BBS2: variants seen among roughly 807,000 people sequenced by gnomAD.
BBS2 encodes the protein BBSome complex member BBS2.
Under a neutral mutation model 83.0 loss-of-function variants are expected in BBS2, and 62 were observed. The ratio of observed to expected loss-of-function variants is 0.75; its 90% CI spans 0.61 to 0.92. BBS2 has a LOEUF of 0.92. Ranked by LOEUF, BBS2 falls within the 40% of genes least tolerant of loss-of-function variation. BBS2 has a pLI of 0.00. For missense variants in BBS2, 784 were observed against 901.0 expected, an observed-to-expected ratio of 0.87 and a Z score of 1.66; for synonymous variants, 303 against 326.1, an observed-to-expected ratio of 0.93 and a Z score of 0.76.
At chr16:56,470,958 G>A (rs1419595664) in intron 17 of BBS2, among the ~76,000 whole-genome samples, 3 of 152,132 alleles carry the variant, frequency 2.0e-5, no homozygotes, top group African/African-American at 7.2e-5. Context: ...TTACATTCTA[G>A]TAGAAGAAGA....
At position 56,502,790 on chromosome 16, in the gene BBS2, G is replaced by C; in HGVS notation, c.823C>G (p.Arg275Gly). The C allele has an allele frequency of 6.2e-7, 1 of 1,613,980 alleles. No individual in the cohort carries two copies. The highest frequency in any genetic ancestry group is 8.5e-7 in the Non-Finnish European group (1 of 1,180,002). Reference protein sequence around the residue: ...SNGKVDARSDRTGEVIFKDNF... With the variant: ...SNGKVDARSDGTGEVIFKDNF... ...TCCTTAAAGATGACCTCCCCAGTTC[G>C]GTCACTTCGAGCATCAACCTACAAA... The change falls in exon 8 of 17, where the codon CGA (arginine) becomes GGA (glycine). Residue 275 changes from arginine to glycine, a missense_variant. Arg to Gly is a moderately radical substitution (Grantham distance 125). Transcript: ENST00000245157.
At chr16:56,473,219 C>T (rs1963286808) in intron 17 of BBS2, among the ~76,000 whole-genome samples, 1 of 152,150 alleles carries the variant, frequency 6.6e-6, no homozygotes, top group African/African-American at 2.4e-5. Flanking sequence ...AGTGAGCCAC[C>T]ACGCCTGGCC....
intron 12 of BBS2, 199 bp from the exon 13 acceptor site, chr16:56,498,767 T>G (rs1397218656): frequency 5.6e-6 from 8 of 1,430,786 alleles, no homozygotes; most frequent in Non-Finnish European, 7.4e-6. Context: ...ACTAGTCACA[T>G]TCCCTTTTCT....
intron 17 of BBS2, among the ~76,000 whole-genome samples, chr16:56,472,314 G>A (rs1321999716): frequency 1.3e-5 from 2 of 152,050 alleles, no homozygotes; most frequent in African/African-American, 4.8e-5. Context: ...ATTTTTACGG[G>A]AACCTGCAAC....
intron 13 of BBS2, 62 bp from the exon 14 acceptor site, chr16:56,497,942 T>C (rs1964159795): frequency 6.4e-7 from 1 of 1,560,868 alleles, no homozygotes; most frequent in Non-Finnish European, 8.7e-7. Flanking sequence ...TTAGCTAAAA[T>C]AGTACCTGAA....
At chr16:56,490,110 T>C (rs1386515982) in intron 15 of BBS2, among the ~76,000 whole-genome samples, 2 of 141,470 alleles carry the variant, frequency 1.4e-5, no homozygotes, top group Non-Finnish European at 3.0e-5. Context: ...TGAGACCCTA[T>C]CTCACACACA....
intron 4 of BBS2, among the ~76,000 whole-genome samples, chr16:56,510,584 A>C (rs1232390814): frequency 6.6e-6 from 1 of 152,236 alleles, no homozygotes; most frequent in Non-Finnish European, 1.5e-5. Context: ...TAAGACCGTG[A>C]ATATGACTGA....
chr16:56,471,986 C>T (rs758509283), intron 17 of BBS2, among the ~76,000 whole-genome samples: 3 of 151,114 alleles, frequency 2.0e-5, no homozygotes, highest in Non-Finnish European at 2.9e-5. Context: ...TTTTGAGACA[C>T]GGTCTTGCAC....
rs3217263 is a variant in BBS2, at chr16:56,470,619, GGAA to G, written c.*74_*76del. 296 of 1,614,072 alleles carry G rather than the reference GGAA, an allele frequency of 1.8e-4. 1 individual carries two copies. In the East Asian group the frequency reaches 6.1e-3, roughly 33 times the overall value. On this transcript the variant is annotated 3_prime_UTR_variant, in exon 18 of 18. Coordinates refer to the BBS2 transcript ENST00000682047. ...TGAAGCTTCATTTCTTGGCCCCTTCGGAAGAAGATGAGATGAATGATAAAAAAG... is the reference window on the plus strand; with the variant it reads ...TGAAGCTTCATTTCTTGGCCCCTTCGGAAGATGAGATGAATGATAAAAAAG...
At chr16:56,509,670 CATT>C (rs1440492556) in intron 5 of BBS2, 8 of 401,332 alleles carry the variant, frequency 2.0e-5, no homozygotes, top group African/African-American at 1.4e-4. Flanking sequence ...AAATGATTGC[CATT>C]ATTATTATTT....
At chr16:56,484,159 AC>A (rs1379740719), downstream of BBS2, among the ~76,000 whole-genome samples, 1 of 151,954 alleles carries the variant, frequency 6.6e-6, no homozygotes, top group Non-Finnish European at 1.5e-5. Flanking sequence ...GATGAGTGCC[AC>A]CATGCCCAGC....
At chr16:56,474,640 C>A (rs1417664865) in intron 17 of BBS2, among the ~76,000 whole-genome samples, 1 of 151,998 alleles carries the variant, frequency 6.6e-6, no homozygotes, top group African/African-American at 2.4e-5. Flanking sequence ...CTTTTTTACC[C>A]CAAAATAGAG....
intron 8 of BBS2, 92 bp from the exon 9 acceptor site, chr16:56,502,548 A>T: frequency 1.2e-6 from 2 of 1,610,738 alleles, no homozygotes; most frequent in Middle Eastern, 3.3e-4. Context: ...AGTTCTCCCC[A>T]ACTTTGGTGA....
chr16:56,498,766 A>G (rs1964184062), intron 12 of BBS2, 198 bp from the exon 13 acceptor site: 2 of 1,447,026 alleles, frequency 1.4e-6, no homozygotes, highest in Non-Finnish European at 1.8e-6. Context: ...CACTAGTCAC[A>G]TTCCCTTTTC....
chr16:56,488,191 T>G (rs1432994576), intron 15 of BBS2, among the ~76,000 whole-genome samples: 4 of 151,180 alleles, frequency 2.6e-5, no homozygotes, highest in Non-Finnish European at 5.9e-5. Context: ...TGTGTGGAGG[T>G]TTTTCCCACA....
At chr16:56,475,581 T>C (rs1963431923) in intron 17 of BBS2, 1 of 1,609,914 alleles carries the variant, frequency 6.2e-7, no homozygotes, top group African/African-American at 1.3e-5. Context: ...TTTCTTCTGA[T>C]AGCAAACTAT....
intron 17 of BBS2, chr16:56,474,949 A>G: frequency 6.2e-7 from 1 of 1,613,562 alleles, no homozygotes; most frequent in Non-Finnish European, 8.5e-7. Context: ...GTGGCTGTGA[A>G]GGTAAGAGGG....
intron 14 of BBS2, chr16:56,497,295 C>T: frequency 1.7e-6 from 1 of 592,186 alleles, no homozygotes; most frequent in Non-Finnish European, 3.0e-6. Flanking sequence ...TGAATCTTCC[C>T]CATGCTTTAG....
At chr16:56,488,600 G>C (rs1042394025) in intron 15 of BBS2, among the ~76,000 whole-genome samples, 3 of 152,222 alleles carry the variant, frequency 2.0e-5, no homozygotes, top group African/African-American at 7.2e-5. Flanking sequence ...TGTGTGTTCA[G>C]ATGTCTAGAA....
Sources: gnomAD v4.1 joint callset for allele counts (sites outside exome capture counted in the v4.1 genomes callset) on GRCh38, gnomAD v4.1.1 for gene constraint, MANE v1.5 for transcripts, NCBI Gene and HGNC (gene_info 2026-07-23, HGNC 2026-07-21) for gene names.